PLD5: variants seen among roughly 807,000 people sequenced by gnomAD.
PLD5 encodes the protein phospholipase D family member 5, also known as inactive phospholipase D5.
In PLD5, 36 loss-of-function variants were observed where a neutral mutation model predicts 61.1. The ratio of observed to expected loss-of-function variants is 0.59; its 90% CI spans 0.45 to 0.78. The LOEUF (loss-of-function observed/expected upper bound fraction) is 0.78, where lower values mean the gene tolerates loss of function less well. PLD5 is among the 30% of genes least tolerant of loss of function. PLD5 has a pLI of 0.00. For synonymous variants in PLD5, 243 were observed against 242.8 expected (o/e 1.00, Z -0.01); for missense variants, 515 against 644.4 (o/e 0.80, Z 2.17).
At chr1:242,154,990 G>T (rs2574678) in intron 5 of PLD5, among the ~76,000 whole-genome samples, 71,295 of 151,892 alleles carry the variant, frequency 0.47, 18,258 homozygotes, top group African/African-American at 0.67. Context: ...ATTTTTTGGT[G>T]GGTAGGCTAT....
chr1:242,284,716 G>A (rs1366861831), intron 3 of PLD5, among the ~76,000 whole-genome samples: 2 of 152,170 alleles, frequency 1.3e-5, no homozygotes, highest in Non-Finnish European at 2.9e-5. Flanking sequence ...AAGAAGAGGA[G>A]AGAAATTCCA....
chr1:242,333,241 T>C (rs944390779), intron 2 of PLD5, among the ~76,000 whole-genome samples: 1 of 152,094 alleles, frequency 6.6e-6, no homozygotes, highest in Non-Finnish European at 1.5e-5. Flanking sequence ...GATCTCAGAG[T>C]TAACCCCTAT....
intron 2 of PLD5, among the ~76,000 whole-genome samples, chr1:242,343,415 G>A (rs1024851857): frequency 4.5e-4 from 68 of 152,232 alleles, no homozygotes; most frequent in African/African-American, 1.6e-3. Flanking sequence ...TAAAGTCTGG[G>A]AAGAAGTCCA....
intron 1 of PLD5, among the ~76,000 whole-genome samples, chr1:242,505,001 G>A (rs559613856): frequency 1.3e-5 from 2 of 152,040 alleles, no homozygotes; most frequent in African/African-American, 4.8e-5. Context: ...AAAAAGATTA[G>A]CATAAATTAG....
intron 4 of PLD5, among the ~76,000 whole-genome samples, chr1:242,248,481 CAA>C (rs55896046): frequency 1.7e-4 from 26 of 149,828 alleles, no homozygotes; most frequent in East Asian, 7.9e-4. Context: ...AATACCACAC[CAA>C]AAAAAAAAAG....
rs541851103 is a variant in PLD5, at chr1:242,524,397, G to A, written c.-121C>T. 8 of 930,006 alleles carry A rather than the reference G, an allele frequency of 8.6e-6. No individual in the cohort carries two copies. In the East Asian group the frequency reaches 2.0e-4, roughly 24 times the overall value. The allele number at this position is 930,006 out of a possible 1,614,324, so 57.6% of individuals were successfully genotyped here. A position where few individuals can be genotyped will look rare whatever the true frequency, so the allele number is the denominator to read the frequency against. On this transcript the variant is annotated 5_prime_UTR_variant, in exon 1 of 10. Transcript: ENST00000536534. ...CGGAGGTGGAGCTGGAGACTGAGCT[G>A]GAGGAGCTGGAGGAGCGAGCGGGCG...
rs1342362854 is a variant in PLD5 at position 242,089,912 on chromosome 1, G to A, written c.1553C>T (p.Pro518Leu). 20 of 1,614,166 alleles carry A rather than the reference G, an allele frequency of 1.2e-5. No individual in the cohort carries two copies. Among genetic ancestry groups the A allele is most frequent in the Non-Finnish European group, 1.6e-5 (19 of 1,180,038 alleles). ...PNCSSLFKLK[P>L]LSNKTATDDT... ...GTCTGTGGCAGTTTTGTTGGAGAGGGGTTTGAGTTTGAACAGGCTTGAGCA... is the reference window on the plus strand; with the variant it reads ...GTCTGTGGCAGTTTTGTTGGAGAGGAGTTTGAGTTTGAACAGGCTTGAGCA... The change falls in exon 10 of 10, where the codon CCC becomes CTC. Residue 518 changes from proline to leucine, a missense_variant. Coordinates refer to ENST00000536534, the MANE Select transcript of PLD5 (RefSeq NM_001372062.1).
intron 4 of PLD5, among the ~76,000 whole-genome samples, chr1:242,230,573 C>T (rs756269882): frequency 4.6e-5 from 7 of 152,210 alleles, no homozygotes; most frequent in Non-Finnish European, 1.0e-4. Flanking sequence ...TAATTACCAA[C>T]ATTTTAGAAT....
At chr1:242,402,310 T>C (rs1663983351) in intron 1 of PLD5, among the ~76,000 whole-genome samples, 1 of 152,204 alleles carries the variant, frequency 6.6e-6, no homozygotes, top group Non-Finnish European at 1.5e-5. Context: ...TTTGCATGAA[T>C]CTTTACCACA....
At chr1:242,484,917 G>A (rs1377106832) in intron 1 of PLD5, among the ~76,000 whole-genome samples, 8 of 151,920 alleles carry the variant, frequency 5.3e-5, no homozygotes, top group African/African-American at 1.9e-4. Flanking sequence ...GCACAAATCA[G>A]TAAATGTAAT....
chr1:242,262,393 CT>C (rs1249313814), intron 4 of PLD5, among the ~76,000 whole-genome samples: 1 of 152,192 alleles, frequency 6.6e-6, no homozygotes, highest in Non-Finnish European at 1.5e-5. Flanking sequence ...GATGTGTTTA[CT>C]TTGTGAAATT....
At chr1:242,143,328 C>T (rs1428049087) in intron 5 of PLD5, among the ~76,000 whole-genome samples, 1 of 152,140 alleles carries the variant, frequency 6.6e-6, no homozygotes, top group African/African-American at 2.4e-5. Context: ...GCTGGGATTA[C>T]AGAGATGAGC....
chr1:242,343,223 G>A lies in PLD5; in HGVS notation c.326+4883C>T, dbSNP rs372096183. ...CTTTCAACTTTCAGAAGTGAGGAGC[G>A]CTACACACACAGAGGGAGTTTAACG... On this transcript the variant is annotated intron_variant, in intron 2 of 9. Coordinates refer to ENST00000536534, the MANE Select transcript of PLD5 (RefSeq NM_001372062.1). Among the ~76,000 whole-genome samples the A allele has an allele frequency of 2.2e-3, 333 of 151,878 alleles. 1 individual carries two copies. Among genetic ancestry groups the A allele is most frequent in the East Asian group, 9.7e-3 (50 of 5,132 alleles).
intron 1 of PLD5, among the ~76,000 whole-genome samples, chr1:242,394,547 T>G (rs1329997737): frequency 5.9e-5 from 1 of 17,094 alleles, no homozygotes; most frequent in African/African-American, 3.6e-4. Flanking sequence ...AACATATATA[T>G]GTGTATATAT....
chr1:242,142,599 GT>G (rs775540375), intron 5 of PLD5, among the ~76,000 whole-genome samples: 22 of 152,152 alleles, frequency 1.4e-4, no homozygotes, highest in Non-Finnish European at 2.5e-4. Flanking sequence ...TAGGATGGCT[GT>G]TTTCTAAGAA....
chr1:242,122,353 A>T (rs1379286630), intron 6 of PLD5, among the ~76,000 whole-genome samples: 1 of 152,248 alleles, frequency 6.6e-6, no homozygotes, highest in Non-Finnish European at 1.5e-5. Context: ...ATATTCACTT[A>T]TCTCCAAGGT....
intron 1 of PLD5, among the ~76,000 whole-genome samples, chr1:242,427,411 A>T (rs1665490694): frequency 6.6e-6 from 1 of 152,172 alleles, no homozygotes; most frequent in South Asian, 2.1e-4. Flanking sequence ...CAACCTATCT[A>T]CATTATTGTG....
chr1:242,485,503 A>G (rs1039487937), intron 1 of PLD5, among the ~76,000 whole-genome samples: 8 of 152,212 alleles, frequency 5.3e-5, no homozygotes, highest in Non-Finnish European at 8.8e-5. Context: ...AATCCAATTT[A>G]CAAGGGATGT....
rs181907049 is a variant in PLD5 at position 242,373,048 on chromosome 1, A to G, written c.190-24806T>C. On this transcript the variant is annotated intron_variant, in intron 1 of 9. Coordinates refer to ENST00000536534, the MANE Select transcript of PLD5 (RefSeq NM_001372062.1). ...AAAATTTTTGCAATCTACTCATCGG[A>G]CAAAGGGCTAATATCCATAATCTAC... Among the ~76,000 whole-genome samples, 465 of 152,336 alleles carry G rather than the reference A, an allele frequency of 3.1e-3. 3 individuals are homozygous for G. The highest frequency in any genetic ancestry group is 5.4e-3 in the Non-Finnish European group (367 of 68,038).
Sources: gnomAD v4.1 joint callset for allele counts (sites outside exome capture counted in the v4.1 genomes callset) on GRCh38, gnomAD v4.1.1 for gene constraint, MANE v1.5 for transcripts, NCBI Gene and HGNC (gene_info 2026-07-23, HGNC 2026-07-21) for gene names.